EML5: variants seen among roughly 807,000 people sequenced by gnomAD.
The protein encoded by EML5 is echinoderm microtubule-associated protein-like 5.
A neutral mutation model predicts 250.0 loss-of-function variants in EML5; 120 were observed. The observed-to-expected ratio is 0.48, with a 90% CI of 0.41 to 0.56. The LOEUF (loss-of-function observed/expected upper bound fraction) is 0.56. Ranked by LOEUF, EML5 falls within the 20% of genes least tolerant of loss-of-function variation. EML5 has a pLI of 0.00. For missense variants in EML5, 2,006 were observed against 2,437.6 expected (o/e 0.82, Z 3.73); for synonymous variants, 771 against 806.5 (o/e 0.96, Z 0.75).
chr14:88,740,388 G>A lies in EML5; in HGVS notation c.710C>T (p.Ala237Val), dbSNP rs201270690. ...TTTAAAATACTTAAATGTACTTACAGCATGGGCTCCTTGTATTGTTCGTAT... is the reference window on the plus strand; with the variant it reads ...TTTAAAATACTTAAATGTACTTACAACATGGGCTCCTTGTATTGTTCGTAT... Reference protein sequence around the residue: ...NLIRTIQGAHAAGIFSMNACE... With the variant: ...NLIRTIQGAHVAGIFSMNACE... Residue 237 changes from alanine (A) to valine (V), a missense_variant and splice_region_variant, in exon 5 of 44, where the codon GCT becomes GTT. Physicochemically the swap from Ala to Val is moderately conservative, Grantham distance 64. Coordinates refer to ENST00000554922, the MANE Select transcript of EML5 (RefSeq NM_183387.3). 259 of 1,605,882 alleles carry A rather than the reference G, an allele frequency of 1.6e-4. 1 individual carries two copies. Among genetic ancestry groups the A allele is most frequent in the Admixed American group, 4.8e-4 (28 of 58,146 alleles).
In EML5 at chr14:88,694,363, A is replaced by G; in HGVS notation, c.2483T>C (p.Val828Ala). 1 of 1,595,496 alleles carries G rather than the reference A, an allele frequency of 6.3e-7. No homozygotes were observed. Among genetic ancestry groups the G allele is most frequent in the Non-Finnish European group, 8.5e-7 (1 of 1,170,322 alleles). The part of the protein sequence containing the change: ...KIFVVKMNPY[V>A]PDKLITAGIK... ...TCCAGCTGTAATTAGTTTATCAGGC[A>G]CATAGGGGTTCATCTTTACAACAAA... The change falls in exon 17 of 44, where the codon GTG becomes GCG. Residue 828 changes from valine (V) to alanine (A), a missense_variant. Around this residue, in one of 7 missense-constraint regions of EML5, gnomAD observed 1,375 missense variants for 1,590.3 expected, o/e 0.86. Coordinates refer to ENST00000554922, the MANE Select transcript of EML5 (RefSeq NM_183387.3).
At chr14:88,687,633 A>G (rs1385911869) in intron 18 of EML5, among the ~76,000 whole-genome samples, 1 of 151,474 alleles carries the variant, frequency 6.6e-6, no homozygotes, top group African/African-American at 2.4e-5. Context: ...TGGAGTCTAC[A>G]TAATAACCTC....
At position 88,616,780 on chromosome 14, in the gene EML5, T is replaced by G. The variant is rs762494172; in HGVS notation, c.5742A>C (p.Thr1914=). The G allele has an allele frequency of 1.2e-6, 2 of 1,613,984 alleles. No homozygotes were observed. The highest frequency in any genetic ancestry group is 1.7e-6 in the Non-Finnish European group (2 of 1,179,868). ...CVSHSGISLV[T]GDDFGMVKLF... is the part of the protein sequence containing the mutation. ...ACTTAACCATGCCAAAGTCATCTCCTGTAACAAGACTGATTCCTGAATGAG... is the reference window on the plus strand; with the variant it reads ...ACTTAACCATGCCAAAGTCATCTCCGGTAACAAGACTGATTCCTGAATGAG... Residue 1914 remains threonine, a synonymous_variant, in exon 42 of 44, where the codon ACA becomes ACC. Coordinates refer to ENST00000554922, the MANE Select transcript of EML5 (RefSeq NM_183387.3).
chr14:88,713,305 T>C (rs371137686), intron 9 of EML5, among the ~76,000 whole-genome samples: 1 of 151,448 alleles, frequency 6.6e-6, no homozygotes, highest in African/African-American at 2.4e-5. Context: ...GGTAGGAGAA[T>C]CACCTGAACC....
intron 21 of EML5, among the ~76,000 whole-genome samples, chr14:88,680,800 C>T (rs569635111): frequency 2.0e-5 from 3 of 152,054 alleles, no homozygotes; most frequent in East Asian, 3.9e-4. Flanking sequence ...CCCACACCCT[C>T]AATCCAGACA....
chr14:88,746,203 A>T lies in EML5; in HGVS notation c.438T>A (p.Ala146=). 6.2e-7 allele frequency: 1 copy of T among 1,612,876 alleles called. No homozygotes were observed. Among genetic ancestry groups the T allele is most frequent in the South Asian group, 1.1e-5 (1 of 91,060 alleles). The change falls in exon 3 of 44, where the codon GCT becomes GCA. Residue 146 remains alanine, a synonymous_variant. Transcript: ENST00000554922. ...DWKRGKMLSM[A]PGHTDRIFDI... is the part of the protein sequence containing the mutation. ...TACTTACTCTATCTGTATGACCAGG[A>T]GCCATAGACAACATTTTTCCCCTTT... is the stretch of plus-strand genomic sequence containing the variant.
intron 1 of EML5, among the ~76,000 whole-genome samples, chr14:88,791,927 C>T (rs141944032): frequency 6.6e-6 from 1 of 152,166 alleles, no homozygotes; most frequent in Admixed American, 6.5e-5. Context: ...GGTTTCCCCC[C>T]ACCCCGGGTG....
intron 2 of EML5, among the ~76,000 whole-genome samples, chr14:88,749,333 C>CA (rs1418589182): frequency 6.6e-6 from 1 of 152,092 alleles, no homozygotes; most frequent in Non-Finnish European, 1.5e-5. Flanking sequence ...GTATACTAAG[C>CA]AAAAATATCC....
chr14:88,689,711 G>A (rs181632681), intron 17 of EML5, among the ~76,000 whole-genome samples: 9 of 152,208 alleles, frequency 5.9e-5, no homozygotes, highest in South Asian at 4.2e-4. Flanking sequence ...TCCAGCCTGC[G>A]TGACAGAGCA....
chr14:88,702,389 T>C (rs1436833873), intron 14 of EML5, 57 bp downstream of exon 14: 67 of 1,371,764 alleles, frequency 4.9e-5, no homozygotes, highest in Non-Finnish European at 5.9e-5. Flanking sequence ...GATTAATTTA[T>C]TTAAACTCAA....
intron 32 of EML5, among the ~76,000 whole-genome samples, chr14:88,637,372 G>A (rs2090799107): frequency 6.6e-6 from 1 of 152,096 alleles, no homozygotes; most frequent in African/African-American, 2.4e-5. Context: ...TCAAAATAAA[G>A]GGGAGAAAAG....
At chr14:88,733,873 A>T (rs994862159) in intron 7 of EML5, among the ~76,000 whole-genome samples, 4 of 152,316 alleles carry the variant, frequency 2.6e-5, no homozygotes, top group East Asian at 3.9e-4. Context: ...GAAAATTTTT[A>T]AAAAATAATT....
chr14:88,768,061 T>C (rs1316055332), intron 1 of EML5, among the ~76,000 whole-genome samples: 1 of 152,224 alleles, frequency 6.6e-6, no homozygotes, highest in African/African-American at 2.4e-5. Context: ...CCAGTTATTT[T>C]AGAAAATGTC....
chr14:88,622,870 G>T, intron 36 of EML5, 152 bp from the exon 37 acceptor site: 4 of 492,296 alleles, frequency 8.1e-6, no homozygotes, highest in Non-Finnish European at 3.5e-6. Context: ...ACTTTCTATG[G>T]CAATTTGAGG....
intron 29 of EML5, among the ~76,000 whole-genome samples, chr14:88,645,079 T>G (rs936475496): frequency 1.3e-5 from 2 of 151,758 alleles, no homozygotes; most frequent in African/African-American, 2.4e-5. Context: ...CAGGCTGGAG[T>G]GCCGTGGCAC....
chr14:88,679,403 G>A (rs1470849240), intron 21 of EML5, among the ~76,000 whole-genome samples: 1 of 151,744 alleles, frequency 6.6e-6, no homozygotes, highest in Non-Finnish European at 1.5e-5. Context: ...ATCAATAAAG[G>A]GGCTATAGCC....
At chr14:88,647,847 A>G (rs1345266814) in intron 28 of EML5, among the ~76,000 whole-genome samples, 1 of 152,160 alleles carries the variant, frequency 6.6e-6, no homozygotes, top group African/African-American at 2.4e-5. Context: ...TATAATCTGA[A>G]TTTTAAACAA....
Position 88,742,623 on chromosome 14 carries a change from A to G in EML5, c.525+1400T>C, listed in dbSNP as rs542995785. ...TCTCCTTATTCATAATTAATTTGCC[A>G]ATCACTTATTAAGCACTTAATATAT... On this transcript the variant is annotated intron_variant, in intron 4 of 43. Transcript: ENST00000554922. 6.0e-4 allele frequency among the ~76,000 whole-genome samples: 91 copies of G among 152,274 alleles called. No homozygotes were observed. In the East Asian group the frequency reaches 0.015, roughly 26 times the overall value.
In EML5 at chr14:88,685,154, AATG is replaced by A. The variant is rs750506642; in HGVS notation, c.2855-15_2855-13del. On this transcript the variant is annotated splice_polypyrimidine_tract_variant and intron_variant, in intron 19 of 43. Transcript: ENST00000554922. Reference sequence around the variant, plus strand: ...TTCCAAGAGAAGACCTGAAATGTTAAATGAAGATGTTCTTTTAGACATACAGTT... The same window carrying A: ...TTCCAAGAGAAGACCTGAAATGTTAAAAGATGTTCTTTTAGACATACAGTT... 23 of 1,593,278 alleles carry A rather than the reference AATG, an allele frequency of 1.4e-5. No homozygotes were observed. In the Middle Eastern group the frequency reaches 5.1e-4, roughly 35 times the overall value.
Sources: allele counts gnomAD v4.1 joint callset (sites outside exome capture counted in the v4.1 genomes callset), GRCh38; gene constraint gnomAD v4.1.1; regional missense constraint gnomAD v4.1.1; transcripts MANE v1.5; gene names NCBI Gene and HGNC (gene_info 2026-07-23, HGNC 2026-07-21).